The following UNC5D variants were observed in gnomAD, a reference collection of about 807,000 sequenced individuals.
UNC5D encodes unc-5 netrin receptor D, also known as netrin receptor UNC5D.
Under a neutral mutation model 105.4 loss-of-function variants are expected in UNC5D, and 39 were observed. The observed-to-expected ratio is 0.37, with a 90% CI of 0.29 to 0.48. The LOEUF is 0.48. Among genes scored for constraint, UNC5D ranks in the 20% least tolerant of loss-of-function variants. UNC5D has a pLI of 0.98. For missense variants in UNC5D, 991 were observed against 1,202.4 expected, an observed-to-expected ratio of 0.82 and a Z score of 2.60; for synonymous variants, 452 against 450.4, an observed-to-expected ratio of 1.00 and a Z score of -0.04.
Position 35,593,037 on chromosome 8 carries a change from T to C in UNC5D, c.467-2517T>C, listed in dbSNP as rs143901861. Among the ~76,000 whole-genome samples, 153 of 143,984 alleles carry C rather than the reference T, an allele frequency of 1.1e-3. 1 individual carries two copies. Among genetic ancestry groups the C allele is most frequent in the Middle Eastern group, 3.5e-3 (1 of 288 alleles). 94.5% of individuals were successfully genotyped at this position (143,984 alleles called of 152,430 possible). A position where few individuals can be genotyped will look rare whatever the true frequency, so the allele number is the denominator to read the frequency against. ...ACCGTTTCCTAGGTCCCACTGTCAG[T>C]AGTTTTTATACACACACACACACAC... On this transcript the variant is annotated intron_variant, in intron 3 of 16. Coordinates refer to ENST00000404895, the MANE Select transcript of UNC5D (RefSeq NM_080872.4).
intron 1 of UNC5D, among the ~76,000 whole-genome samples, chr8:35,428,212 C>T (rs996455421): frequency 1.3e-5 from 2 of 152,180 alleles, no homozygotes; most frequent in Admixed American, 1.3e-4. Flanking sequence ...AAGTCTCACT[C>T]TGTCACCCAG....
At chr8:35,324,426 C>T (rs982632731) in intron 1 of UNC5D, among the ~76,000 whole-genome samples, 1 of 86,454 alleles carries the variant, frequency 1.2e-5, no homozygotes, top group Non-Finnish European at 2.5e-5. Flanking sequence ...ATGTCATTTC[C>T]ATCTTTTGTT....
At chr8:35,708,398 T>C (rs1827732907) in intron 8 of UNC5D, among the ~76,000 whole-genome samples, 1 of 152,246 alleles carries the variant, frequency 6.6e-6, no homozygotes, top group Admixed American at 6.5e-5. Context: ...AATGTTTCAT[T>C]TTCTGCTTCT....
chr8:35,497,614 A>G (rs1262263321), intron 1 of UNC5D, among the ~76,000 whole-genome samples: 1 of 151,896 alleles, frequency 6.6e-6, no homozygotes, highest in Non-Finnish European at 1.5e-5. Flanking sequence ...GGAAATATCT[A>G]ATTTTTACAA....
At chr8:35,734,335 CAAAAAAAA>C (rs10657691) in intron 11 of UNC5D, among the ~76,000 whole-genome samples, 10 of 28,288 alleles carry the variant, frequency 3.5e-4, no homozygotes, top group Non-Finnish European at 8.1e-4. Flanking sequence ...TAATCACTGT[CAAAAAAAA>C]AAAAAAAAAA....
intron 4 of UNC5D, among the ~76,000 whole-genome samples, chr8:35,679,300 A>C (rs1413901652): frequency 1.3e-5 from 2 of 152,128 alleles, no homozygotes; most frequent in Non-Finnish European, 2.9e-5. Flanking sequence ...TAGGAAGAAA[A>C]AGCAGGAAGG....
chr8:35,561,241 C>T (rs559035328), intron 2 of UNC5D, among the ~76,000 whole-genome samples: 1 of 152,164 alleles, frequency 6.6e-6, no homozygotes, highest in African/African-American at 2.4e-5. Context: ...AACCCCAGGA[C>T]TAGGTACCAG....
chr8:35,257,965 G>A (rs1175767011), intron 1 of UNC5D, among the ~76,000 whole-genome samples: 1 of 152,130 alleles, frequency 6.6e-6, no homozygotes, highest in Admixed American at 6.6e-5. Flanking sequence ...TACATTTATT[G>A]TATACACATG....
Position 35,252,326 on chromosome 8 carries a change from G to A in UNC5D, c.103+16439G>A, listed in dbSNP as rs28586902. Among the ~76,000 whole-genome samples the A allele has an allele frequency of 8.2e-3, 1,249 of 152,188 alleles. 18 individuals are homozygous for A. The highest frequency in any genetic ancestry group is 0.029 in the African/African-American group (1,208 of 41,516). ...ACTTACCACTATACTTAGAAGTAAAGTTATCAACATCTTTCACTCCTCTAC... is the reference window on the plus strand; with the variant it reads ...ACTTACCACTATACTTAGAAGTAAAATTATCAACATCTTTCACTCCTCTAC... On this transcript the variant is annotated intron_variant, in intron 1 of 16. Transcript: ENST00000404895.
At chr8:35,503,652 G>GT (rs1409230561) in intron 1 of UNC5D, among the ~76,000 whole-genome samples, 1 of 152,144 alleles carries the variant, frequency 6.6e-6, no homozygotes, top group Non-Finnish European at 1.5e-5. Context: ...GGAATGGAGG[G>GT]TAATTAGTAG....
chr8:35,292,918 G>C (rs1807186951), intron 1 of UNC5D, among the ~76,000 whole-genome samples: 1 of 151,892 alleles, frequency 6.6e-6, no homozygotes, highest in African/African-American at 2.4e-5. Context: ...TTGAACTCCT[G>C]ACCTCAAGTG....
chr8:35,252,986 T>G (rs147231193), intron 1 of UNC5D, among the ~76,000 whole-genome samples: 5 of 152,306 alleles, frequency 3.3e-5, no homozygotes, highest in African/African-American at 1.2e-4. Flanking sequence ...TTAAAAATCT[T>G]TTCATATGTT....
chr8:35,245,122 C>T (rs1803012362), intron 1 of UNC5D, among the ~76,000 whole-genome samples: 1 of 152,120 alleles, frequency 6.6e-6, no homozygotes, highest in Non-Finnish European at 1.5e-5. Flanking sequence ...TTTATTATTA[C>T]TTTTGAGTGT....
chr8:35,305,597 C>CTTTCTTTCT (rs1554505774), intron 1 of UNC5D, among the ~76,000 whole-genome samples: 5 of 86,740 alleles, frequency 5.8e-5, no homozygotes, highest in African/African-American at 1.6e-4. Context: ...TTCTTTCTTT[C>CTTTCTTTCT]TTTCTTTCTT....
chr8:35,571,571 T>A (rs1817725469), intron 3 of UNC5D, among the ~76,000 whole-genome samples: 1 of 152,128 alleles, frequency 6.6e-6, no homozygotes, highest in African/African-American at 2.4e-5. Context: ...TTTAGGACCT[T>A]GCCTAGAATT....
At chr8:35,516,047 C>T (rs1053550647) in intron 1 of UNC5D, among the ~76,000 whole-genome samples, 1 of 152,138 alleles carries the variant, frequency 6.6e-6, no homozygotes, top group Non-Finnish European at 1.5e-5. Context: ...TACCTAATTC[C>T]TATGCTTTTT....
chr8:35,657,076 G>GTA (rs1823795081), intron 4 of UNC5D, among the ~76,000 whole-genome samples: 7 of 94,446 alleles, frequency 7.4e-5, no homozygotes, highest in African/African-American at 3.6e-4. Context: ...GTGTGTGTGT[G>GTA]TGTGTATATA....
chr8:35,352,279 T>A (rs1452500741), intron 1 of UNC5D, among the ~76,000 whole-genome samples: 1 of 152,022 alleles, frequency 6.6e-6, no homozygotes, highest in Non-Finnish European at 1.5e-5. Flanking sequence ...TTCACCGAAA[T>A]TAAACAGGAA....
At chr8:35,352,798 A>G (rs1239441687) in intron 1 of UNC5D, among the ~76,000 whole-genome samples, 2 of 152,020 alleles carry the variant, frequency 1.3e-5, no homozygotes, top group African/African-American at 4.8e-5. Flanking sequence ...TTTTTAGTAG[A>G]GACGGGGTTT....
Sources: gnomAD v4.1 joint callset for allele counts (sites outside exome capture counted in the v4.1 genomes callset) on GRCh38, gnomAD v4.1.1 for gene constraint, MANE v1.5 for transcripts, NCBI Gene and HGNC (gene_info 2026-07-23, HGNC 2026-07-21) for gene names.